The following LPAR6 variants were observed in gnomAD, a reference collection of about 807,000 sequenced individuals.
The protein encoded by LPAR6 is lysophosphatidic acid receptor 6, also known as G-protein coupled purinergic receptor P2Y5.
In LPAR6, 17 loss-of-function variants were observed where a neutral mutation model predicts 22.0. The ratio of observed to expected loss-of-function variants is 0.77; its 90% CI spans 0.53 to 1.16. The LOEUF is 1.16. Ranked by LOEUF, LPAR6 falls within the 50% of genes most tolerant of loss-of-function variation. The probability of loss-of-function intolerance (pLI) is 0.00; values close to 1 mark genes in which losing one functional copy is unlikely to be tolerated. For missense variants in LPAR6, 384 were observed against 406.9 expected (o/e 0.94, Z 0.48); for synonymous variants, 136 against 139.8 (o/e 0.97, Z 0.19).
intron 1 of LPAR6, among the ~76,000 whole-genome samples, chr13:48,396,666 G>T (rs1948650915): frequency 6.6e-6 from 1 of 152,176 alleles, no homozygotes; most frequent in African/African-American, 2.4e-5. Context: ...TTAAACTAAA[G>T]AGCTTCTGCA....
At chr13:48,434,105 G>A (rs1327651082) in intron 1 of LPAR6, among the ~76,000 whole-genome samples, 1 of 151,852 alleles carries the variant, frequency 6.6e-6, no homozygotes, top group Non-Finnish European at 1.5e-5. Context: ...AATCATAATA[G>A]CTTTGTATTT....
chr13:48,412,236 T>C lies in LPAR6; in HGVS notation c.188A>G (p.Asp63Gly), dbSNP rs879255262. 6.2e-7 allele frequency: 1 copy of C among 1,614,048 alleles called. No individual in the cohort carries two copies. Among genetic ancestry groups the C allele is most frequent in the Non-Finnish European group, 8.5e-7 (1 of 1,179,964 alleles). ...TTYMINLAMSDLLFVFTLPFR... is the reference protein window; with the variant it reads ...TTYMINLAMSGLLFVFTLPFR... ...GGGTAAAGTAAAAACAAAAAGCAAG[T>C]CTGACATTGCCAAGTTAATCATGTA... is the stretch of plus-strand genomic sequence containing the variant. Residue 63 changes from aspartate (D) to glycine (G), a missense_variant, in exon 1 of 1, where the codon GAC becomes GGC. Transcript: ENST00000620633.
At chr13:48,433,132 T>C (rs1949147022) in intron 1 of LPAR6, among the ~76,000 whole-genome samples, 1 of 152,142 alleles carries the variant, frequency 6.6e-6, no homozygotes, top group Non-Finnish European at 1.5e-5. Flanking sequence ...ATTTCTGATA[T>C]GAACATACAT....
At chr13:48,421,166 G>A (rs890938218) in intron 2 of LPAR6, among the ~76,000 whole-genome samples, 4 of 152,150 alleles carry the variant, frequency 2.6e-5, no homozygotes, top group African/African-American at 7.2e-5. Context: ...AAACAGCATG[G>A]TATTGGTACC....
intron 1 of LPAR6, among the ~76,000 whole-genome samples, chr13:48,435,610 T>C (rs1949175485): frequency 6.6e-6 from 1 of 152,316 alleles, no homozygotes; most frequent in East Asian, 1.9e-4. Flanking sequence ...TTATGGATTA[T>C]GCTTTTGGTG....
upstream of LPAR6, chr13:48,429,641 A>G (rs1284776806): frequency 6.6e-6 from 1 of 152,066 alleles, no homozygotes; most frequent in East Asian, 1.9e-4. Context: ...TCAAATGAAT[A>G]CACTTTTTGT....
upstream of LPAR6, among the ~76,000 whole-genome samples, chr13:48,431,194 T>C (rs1949126254): frequency 1.3e-5 from 2 of 152,178 alleles, no homozygotes; most frequent in South Asian, 2.1e-4. Flanking sequence ...AACAAGCATA[T>C]CATTTTGTCC....
chr13:48,428,809 A>G (rs1422541916), upstream of LPAR6, among the ~76,000 whole-genome samples: 1 of 152,240 alleles, frequency 6.6e-6, no homozygotes, highest in East Asian at 1.9e-4. Context: ...CTGCTTTCAA[A>G]TAATTAGAAC....
intron 1 of LPAR6, chr13:48,426,490 T>A (rs1321414214): frequency 1.3e-5 from 2 of 152,238 alleles, no homozygotes; most frequent in African/African-American, 2.4e-5. Flanking sequence ...GCTTGGTGGT[T>A]AACACATTGC....
chr13:48,412,824 C>G lies in LPAR6; in HGVS notation c.-401G>C. On this transcript the variant is annotated 5_prime_UTR_variant, in exon 1 of 1. Transcript: ENST00000620633. ...TGTATTTCAGTAGTCAAGATGAATA[C>G]TCCAAAGTTAATGTTTCTTTATGCC... The G allele has an allele frequency of 4.5e-6, 1 of 221,544 alleles. No individual in the cohort carries two copies. The allele number at this position is 221,544 out of a possible 1,614,324, so 13.7% of individuals were successfully genotyped here.
chr13:48,435,322 G>T (rs1431630640), intron 1 of LPAR6, among the ~76,000 whole-genome samples: 1 of 152,160 alleles, frequency 6.6e-6, no homozygotes, highest in East Asian at 1.9e-4. Flanking sequence ...GATAGCTAAT[G>T]ATATTGATTA....
chr13:48,428,869 A>G (rs953907028), upstream of LPAR6, among the ~76,000 whole-genome samples: 1 of 152,254 alleles, frequency 6.6e-6, no homozygotes, highest in Non-Finnish European at 1.5e-5. Flanking sequence ...ATAGATTATT[A>G]TCAGAAATCC....
intron 1 of LPAR6, among the ~76,000 whole-genome samples, chr13:48,395,566 G>A (rs1339162091): frequency 1.3e-5 from 2 of 151,298 alleles, no homozygotes; most frequent in African/African-American, 4.9e-5. Context: ...AACACAACAC[G>A]AGGACTTTGT....
Position 48,419,909 on chromosome 13 carries a change from C to A in LPAR6, c.-953-2589G>T, listed in dbSNP as rs7982457. On this transcript the variant is annotated intron_variant, in intron 2 of 4. Coordinates refer to the LPAR6 transcript ENST00000345941. Reference sequence around the variant, plus strand: ...AGGCAGTAATTAATAGCGTACCAACCAAAAAAATCCCAGGAGCAGATGGAT... The same window carrying A: ...AGGCAGTAATTAATAGCGTACCAACAAAAAAAATCCCAGGAGCAGATGGAT... 6.3e-3 allele frequency among the ~76,000 whole-genome samples: 959 copies of A among 152,088 alleles called. 12 individuals are homozygous for A. Among genetic ancestry groups the A allele is most frequent in the African/African-American group, 0.022 (912 of 41,476 alleles).
At chr13:48,430,126 T>C (rs993987252), upstream of LPAR6, among the ~76,000 whole-genome samples, 1 of 152,184 alleles carries the variant, frequency 6.6e-6, no homozygotes, top group Admixed American at 6.5e-5. Context: ...CCAAACCAGA[T>C]TATTATTAGA....
intron 2 of LPAR6, among the ~76,000 whole-genome samples, chr13:48,422,201 G>A (rs571019543): frequency 6.6e-6 from 1 of 152,274 alleles, no homozygotes; most frequent in African/African-American, 2.4e-5. Context: ...ACAAGGATGA[G>A]TTCATGTCCT....
At chr13:48,421,067 T>A (rs1455295859) in intron 2 of LPAR6, among the ~76,000 whole-genome samples, 1 of 151,978 alleles carries the variant, frequency 6.6e-6, no homozygotes, top group Admixed American at 6.6e-5. Flanking sequence ...AAAAAGCCCA[T>A]ATAGCCAAGA....
rs928877885 is a variant in LPAR6, at chr13:48,423,925, G to A, written c.-1094-1135C>T. The A allele has an allele frequency of 2.6e-5, 4 of 152,346 alleles. No homozygotes were observed. In the South Asian group the frequency reaches 8.3e-4, roughly 32 times the overall value. The allele number at this position is 152,346 out of a possible 1,614,324, so 9.4% of individuals were successfully genotyped here. A position where few individuals can be genotyped will look rare whatever the true frequency, so the allele number is the denominator to read the frequency against. On this transcript the variant is annotated intron_variant, in intron 1 of 4. Transcript: ENST00000345941. ...GCAACATAACGAGACACTGTCTCTTGAAGAAAGAAAGAAAAAAGTATGGGA... is the reference window on the plus strand; with the variant it reads ...GCAACATAACGAGACACTGTCTCTTAAAGAAAGAAAGAAAAAAGTATGGGA...
At chr13:48,395,218 G>A (rs149557568) in intron 1 of LPAR6, among the ~76,000 whole-genome samples, 16 of 152,090 alleles carry the variant, frequency 1.1e-4, no homozygotes, top group Non-Finnish European at 2.1e-4. Flanking sequence ...CAAAAAGGAC[G>A]TCCACACAGA....
Sources: allele counts gnomAD v4.1 joint callset (sites outside exome capture counted in the v4.1 genomes callset), GRCh38; gene constraint gnomAD v4.1.1; transcripts MANE v1.5; gene names NCBI Gene and HGNC (gene_info 2026-07-23, HGNC 2026-07-21).